Variants in PLAG1 observed in about 807,000 individuals in gnomAD.
The protein encoded by PLAG1 is zinc finger protein PLAG1.
In PLAG1, 7 loss-of-function variants were observed where a neutral mutation model predicts 35.5. The ratio of observed to expected loss-of-function variants is 0.20; its 90% CI spans 0.11 to 0.37. PLAG1 has a LOEUF of 0.37. Ranked by LOEUF, PLAG1 falls within the 10% of genes least tolerant of loss-of-function variation. The probability of loss-of-function intolerance (pLI) is 1.00; values close to 1 mark genes in which losing one functional copy is unlikely to be tolerated. For missense variants in PLAG1, 454 were observed against 602.8 expected (o/e 0.75, Z 2.58); for synonymous variants, 229 against 225.4 (o/e 1.02, Z -0.14).
intron 1 of PLAG1, among the ~76,000 whole-genome samples, chr8:56,200,374 T>A (rs1399058484): frequency 6.6e-6 from 1 of 152,222 alleles, no homozygotes; most frequent in African/African-American, 2.4e-5. Flanking sequence ...AAGTCTGAAT[T>A]GCTAGCAGAA....
At chr8:56,176,229 T>G (rs1312292677) in intron 2 of PLAG1, among the ~76,000 whole-genome samples, 1 of 151,988 alleles carries the variant, frequency 6.6e-6, no homozygotes, top group Non-Finnish European at 1.5e-5. Flanking sequence ...TTTTGTTATC[T>G]TTAGTAGAGA....
Position 56,179,462 on chromosome 8 carries a change from G to A in PLAG1, c.-270C>T. 1 of 980,292 alleles carries A rather than the reference G, an allele frequency of 1.0e-6. No individual in the cohort carries two copies. The highest frequency in any genetic ancestry group is 1.2e-6 in the Non-Finnish European group (1 of 824,834). The allele number at this position is 980,292 out of a possible 1,614,324, so 60.7% of individuals were successfully genotyped here. ...GCAACCTTATTAATAGACCGTCACA[G>A]AATGAAGCATTCTGGGTGCCAAATA... On this transcript the variant is annotated 5_prime_UTR_variant, in exon 2 of 5. Transcript: ENST00000316981.
At chr8:56,208,473 T>C (rs529199958) in intron 1 of PLAG1, among the ~76,000 whole-genome samples, 1 of 152,332 alleles carries the variant, frequency 6.6e-6, no homozygotes, top group South Asian at 2.1e-4. Context: ...TGTATAGAGG[T>C]ATTTACAGAA....
chr8:56,168,359 T>C lies in PLAG1; in HGVS notation c.-90A>G. 7.3e-7 allele frequency: 1 copy of C among 1,368,840 alleles called. No homozygotes were observed. The highest frequency in any genetic ancestry group is 2.4e-5 in the South Asian group (1 of 41,174). The allele number at this position is 1,368,840 out of a possible 1,614,324, so 84.8% of individuals were successfully genotyped here. ...GCTTTAGGTGGCTTCTCAAGTTTCA[T>C]GTGGTCGTAAAAGAAAGCAAAAAGG... On this transcript the variant is annotated 5_prime_UTR_variant, in exon 4 of 5. It removes an upstream start codon present in the reference 5' UTR. Coordinates refer to ENST00000316981, the MANE Select transcript of PLAG1 (RefSeq NM_002655.3).
chr8:56,197,702 A>G (rs1812424200), intron 1 of PLAG1, among the ~76,000 whole-genome samples: 1 of 152,082 alleles, frequency 6.6e-6, no homozygotes, highest in Non-Finnish European at 1.5e-5. Context: ...TGCTCTGGGT[A>G]TTCTGGGGGG....
rs192435586 is a variant in PLAG1, at chr8:56,197,821, T to G, written c.-322+13300A>C. Among the ~76,000 whole-genome samples, 907 of 152,292 alleles carry G rather than the reference T, an allele frequency of 6.0e-3. 9 individuals are homozygous for G. The highest frequency in any genetic ancestry group is 0.021 in the African/African-American group (863 of 41,530). On this transcript the variant is annotated intron_variant, in intron 1 of 4. Coordinates refer to ENST00000316981, the MANE Select transcript of PLAG1 (RefSeq NM_002655.3). ...GCTTGCTGCAGGTGAGGGCTGGCCT[T>G]GTGGCGGTCAGGAGGTCTGTCTGTA...
chr8:56,189,300 C>T (rs748142879), intron 1 of PLAG1, among the ~76,000 whole-genome samples: 1 of 152,194 alleles, frequency 6.6e-6, no homozygotes, highest in Non-Finnish European at 1.5e-5. Context: ...CTCCTGCAAT[C>T]AAGAAGACAT....
intron 2 of PLAG1, among the ~76,000 whole-genome samples, chr8:56,177,558 T>C (rs1029907250): frequency 5.9e-5 from 9 of 152,178 alleles, no homozygotes; most frequent in African/African-American, 2.2e-4. Flanking sequence ...TGGAAAGCTC[T>C]TCTTGAAATG....
At chr8:56,196,944 T>G (rs1812386648) in intron 1 of PLAG1, among the ~76,000 whole-genome samples, 1 of 97,112 alleles carries the variant, frequency 1.0e-5, no homozygotes. Context: ...TCTCCCTCCC[T>G]AGTGTGCGTG....
rs191709893 is a variant in PLAG1 at position 56,162,685 on chromosome 8, A to G, written c.*3558T>C. On this transcript the variant is annotated 3_prime_UTR_variant, in exon 5 of 5. Transcript: ENST00000316981. Reference sequence around the variant, plus strand: ...TTTTTTAAAAAAATATTGGCCTATAATATGTGTATTGCTCACTAGATGAAC... The same window carrying G: ...TTTTTTAAAAAAATATTGGCCTATAGTATGTGTATTGCTCACTAGATGAAC... 4.8e-6 allele frequency: 1 copy of G among 210,082 alleles called. No individual in the cohort carries two copies. The highest frequency in any genetic ancestry group is 7.2e-5 in the East Asian group (1 of 13,826). 13.0% of individuals were successfully genotyped at this position (210,082 alleles called of 1,614,324 possible). A position where few individuals can be genotyped will look rare whatever the true frequency, so the allele number is the denominator to read the frequency against.
intron 1 of PLAG1, among the ~76,000 whole-genome samples, chr8:56,183,808 C>G (rs548261795): frequency 6.0e-4 from 91 of 152,234 alleles, no homozygotes; most frequent in African/African-American, 2.1e-3. Context: ...GGAATCACAT[C>G]TCACACCATA....
rs372534323 is a variant in PLAG1, at chr8:56,201,729, A to C, written c.-322+9392T>G. Among the ~76,000 whole-genome samples the C allele has an allele frequency of 3.9e-5, 6 of 152,198 alleles. No homozygotes were observed. The East Asian group carries it at 1.2e-3, about 29-fold the overall frequency. On this transcript the variant is annotated intron_variant, in intron 1 of 4. Transcript: ENST00000316981. ...AATCATTATTGCTTCTTGCATACAC[A>C]TTATCCCTGCAATTCCTATCTCATG...
chr8:56,195,661 C>T (rs770504634), intron 1 of PLAG1, among the ~76,000 whole-genome samples: 1 of 152,178 alleles, frequency 6.6e-6, no homozygotes, highest in Non-Finnish European at 1.5e-5. Flanking sequence ...TCATAGCCAG[C>T]AGCTGGAGAG....
At chr8:56,208,773 G>A (rs1812769887) in intron 1 of PLAG1, among the ~76,000 whole-genome samples, 1 of 152,060 alleles carries the variant, frequency 6.6e-6, no homozygotes, top group African/African-American at 2.4e-5. Flanking sequence ...TGAAAATATC[G>A]TGGAAATCTA....
intron 1 of PLAG1, among the ~76,000 whole-genome samples, chr8:56,188,548 T>C (rs759761474): frequency 6.6e-6 from 1 of 152,254 alleles, no homozygotes; most frequent in Non-Finnish European, 1.5e-5. Context: ...ACACAGTGTA[T>C]GTCAAATTTG....
intron 1 of PLAG1, among the ~76,000 whole-genome samples, chr8:56,182,976 G>A (rs1304653492): frequency 6.6e-6 from 1 of 152,172 alleles, no homozygotes; most frequent in Non-Finnish European, 1.5e-5. Flanking sequence ...AATGCATGGA[G>A]TTTGCTCACC....
intron 2 of PLAG1, among the ~76,000 whole-genome samples, chr8:56,173,324 A>G (rs1355553233): frequency 6.6e-6 from 1 of 152,092 alleles, no homozygotes; most frequent in Non-Finnish European, 1.5e-5. Flanking sequence ...ACCTATTTTG[A>G]GTTCTTATGA....
intron 1 of PLAG1, among the ~76,000 whole-genome samples, chr8:56,186,810 G>T (rs563050861): frequency 5.3e-5 from 8 of 151,956 alleles, no homozygotes; most frequent in Non-Finnish European, 1.0e-4. Flanking sequence ...TCCGCCTCCC[G>T]TATTCAAGTG....
At chr8:56,208,400 G>T (rs2129236498) in intron 1 of PLAG1, among the ~76,000 whole-genome samples, 1 of 152,222 alleles carries the variant, frequency 6.6e-6, no homozygotes, top group Non-Finnish European at 1.5e-5. Context: ...TTAGAAAGTT[G>T]TAATTGCTTC....
Sources: gnomAD v4.1 joint callset for allele counts (sites outside exome capture counted in the v4.1 genomes callset) on GRCh38, gnomAD v4.1.1 for gene constraint, MANE v1.5 for transcripts, NCBI Gene and HGNC (gene_info 2026-07-23, HGNC 2026-07-21) for gene names.